PDE10A: variants seen among roughly 807,000 people sequenced by gnomAD.
The protein encoded by PDE10A is phosphodiesterase 10A.
In PDE10A, 39 loss-of-function variants were observed where a neutral mutation model predicts 97.7. The ratio of observed to expected loss-of-function variants is 0.40; its 90% confidence interval spans 0.31 to 0.52. PDE10A has a LOEUF of 0.52. Ranked by LOEUF, PDE10A falls within the 20% of genes least tolerant of loss-of-function variation. PDE10A has a pLI of 0.56. For missense variants in PDE10A, 731 were observed against 1,047.8 expected (o/e 0.70, Z 4.17); for synonymous variants, 371 against 376.8 (o/e 0.98, Z 0.18).
chr6:165,441,901 AT>A (rs1007585224), intron 5 of PDE10A, among the ~76,000 whole-genome samples: 2 of 152,190 alleles, frequency 1.3e-5, no homozygotes, highest in African/African-American at 4.8e-5. Flanking sequence ...TATCATTTGT[AT>A]TTAATAGGAT....
intron 5 of PDE10A, among the ~76,000 whole-genome samples, chr6:165,438,294 T>C (rs1286186705): frequency 6.6e-6 from 1 of 152,224 alleles, no homozygotes; most frequent in South Asian, 2.1e-4. Context: ...GTTCAAGCGA[T>C]TCTCCTGCCT....
chr6:165,667,564 G>C (rs1008215327), upstream of PDE10A, among the ~76,000 whole-genome samples: 2 of 151,454 alleles, frequency 1.3e-5, no homozygotes, highest in African/African-American at 4.8e-5. Context: ...TTTTTGATGA[G>C]ATGCAAATGG....
chr6:165,724,253 T>C (rs1792236144), intron 1 of PDE10A, among the ~76,000 whole-genome samples: 1 of 152,214 alleles, frequency 6.6e-6, no homozygotes, highest in Non-Finnish European at 1.5e-5. Flanking sequence ...AGTCAACTAG[T>C]CTAACCCCTA....
intron 12 of PDE10A, among the ~76,000 whole-genome samples, chr6:165,415,282 CTA>C (rs935470911): frequency 3.3e-5 from 5 of 152,054 alleles, no homozygotes; most frequent in African/African-American, 4.8e-5. Context: ...TAGAATATTC[CTA>C]TGTTTTTATA....
intron 1 of PDE10A, among the ~76,000 whole-genome samples, chr6:165,558,834 G>A (rs1038661903): frequency 3.9e-5 from 6 of 152,074 alleles, no homozygotes; most frequent in African/African-American, 1.4e-4. Context: ...CAATGAACAC[G>A]TATATATACC....
chr6:165,502,357 G>T (rs1054087380), intron 2 of PDE10A, among the ~76,000 whole-genome samples: 1 of 152,088 alleles, frequency 6.6e-6, no homozygotes. Flanking sequence ...TTCAAAATAC[G>T]TATCTGGCAA....
At chr6:165,804,508 T>C (rs1779063342) in intron 1 of PDE10A, among the ~76,000 whole-genome samples, 1 of 152,138 alleles carries the variant, frequency 6.6e-6, no homozygotes, top group South Asian at 2.1e-4. Flanking sequence ...AGAAGGTGAA[T>C]CAAATGTTTG....
intron 1 of PDE10A, among the ~76,000 whole-genome samples, chr6:165,707,421 C>G (rs1174017471): frequency 6.6e-6 from 1 of 152,232 alleles, no homozygotes; most frequent in African/African-American, 2.4e-5. Context: ...TCCAGCGTCT[C>G]TATCCCTCAG....
At chr6:165,371,052 C>G (rs1784207881) in intron 18 of PDE10A, among the ~76,000 whole-genome samples, 1 of 145,066 alleles carries the variant, frequency 6.9e-6, no homozygotes, top group Non-Finnish European at 1.5e-5. Flanking sequence ...ACACAACATA[C>G]CAGAATCTCT....
At chr6:165,653,666 G>A (rs1186332465) in intron 1 of PDE10A, among the ~76,000 whole-genome samples, 2 of 152,136 alleles carry the variant, frequency 1.3e-5, no homozygotes, top group Admixed American at 6.5e-5. Context: ...CATCAGGTCT[G>A]GATCCCTCAT....
chr6:165,619,136 A>AGTGTAGTCTAGTGTC (rs879437054), intron 1 of PDE10A, among the ~76,000 whole-genome samples: 13,359 of 146,234 alleles, frequency 0.091, 954 homozygotes, highest in Non-Finnish European at 0.12. Flanking sequence ...AGTCTAGTGT[A>AGTGTAGTCTAGTGTC]GTGTAGTCTA....
intron 13 of PDE10A, chr6:165,409,520 C>G (rs1253661051): frequency 6.5e-6 from 1 of 154,554 alleles, no homozygotes; most frequent in Non-Finnish European, 1.4e-5. Flanking sequence ...GCGCTACAGC[C>G]TGGGTGACAA....
intron 1 of PDE10A, among the ~76,000 whole-genome samples, chr6:165,676,987 C>A (rs920964159): frequency 6.6e-6 from 1 of 152,218 alleles, no homozygotes; most frequent in South Asian, 2.1e-4. Flanking sequence ...TAACGACTTT[C>A]CAAGAAAAAG....
chr6:165,714,348 T>C (rs1252136001), intron 1 of PDE10A, among the ~76,000 whole-genome samples: 1 of 152,190 alleles, frequency 6.6e-6, no homozygotes. Context: ...AGGTTTGCCG[T>C]TTGTGAACCT....
At chr6:165,966,793 G>T (rs1338965097) in intron 1 of PDE10A, among the ~76,000 whole-genome samples, 2 of 152,094 alleles carry the variant, frequency 1.3e-5, no homozygotes, top group Non-Finnish European at 2.9e-5. Context: ...TTTCATTGTG[G>T]TTATTCATGT....
At chr6:165,410,114 C>T (rs562850871) in intron 13 of PDE10A, among the ~76,000 whole-genome samples, 1 of 151,824 alleles carries the variant, frequency 6.6e-6, no homozygotes, top group South Asian at 2.1e-4. Context: ...CTCAAAATGA[C>T]TTTTTCCCAC....
chr6:165,416,036 T>G (rs1788286711), intron 12 of PDE10A, among the ~76,000 whole-genome samples, 153 bp downstream of exon 12: 1 of 152,234 alleles, frequency 6.6e-6, no homozygotes. Context: ...CTGAATATAC[T>G]GACTATTGAT....
chr6:165,576,972 G>A (rs987581465), intron 1 of PDE10A, among the ~76,000 whole-genome samples: 5 of 152,184 alleles, frequency 3.3e-5, no homozygotes, highest in Non-Finnish European at 7.3e-5. Flanking sequence ...ACACAGAAAA[G>A]TCCACTCTTC....
intron 5 of PDE10A, among the ~76,000 whole-genome samples, chr6:165,444,440 T>C (rs1162520961): frequency 6.6e-6 from 1 of 152,200 alleles, no homozygotes; most frequent in Non-Finnish European, 1.5e-5. Flanking sequence ...GATAACCTCT[T>C]CTAAGCTGTT....
Sources: allele counts gnomAD v4.1 joint callset (sites outside exome capture counted in the v4.1 genomes callset), GRCh38; gene constraint gnomAD v4.1.1; transcripts MANE v1.5; gene names NCBI Gene and HGNC (gene_info 2026-07-23, HGNC 2026-07-21).